Variants in PTH1R observed in about 807,000 individuals in gnomAD.
The protein encoded by PTH1R is parathyroid hormone 1 receptor, also known as parathyroid hormone/parathyroid hormone-related peptide receptor.
In PTH1R, 32 loss-of-function variants were observed where a neutral mutation model predicts 70.7. That is an observed-to-expected ratio of 0.45 (90% CI 0.34 to 0.61). The LOEUF is 0.61. Ranked by LOEUF, PTH1R falls within the 20% of genes least tolerant of loss-of-function variation. The pLI is 0.01. For missense variants in PTH1R, 626 were observed against 792.5 expected (o/e 0.79, Z 2.52); for synonymous variants, 329 against 324.8 (o/e 1.01, Z -0.14).
At chr3:46,894,745 C>T (rs1003826486) in intron 4 of PTH1R, among the ~76,000 whole-genome samples, 1 of 152,050 alleles carries the variant, frequency 6.6e-6, no homozygotes, top group African/African-American at 2.4e-5. Context: ...TTGGACTCAG[C>T]TTCCCATCAT....
rs2106996886 is a variant in PTH1R, at chr3:46,891,392, G to A, written c.76-2515G>A. ...GCCACTCAGTTTTCAACCCATGACT[G>A]CCTGCCTGCAGTCTAGGCCATCAGG... On this transcript the variant is annotated intron_variant, in intron 3 of 15. Transcript: ENST00000449590. The surrounding 1 kb of genome is among the most constrained non-coding windows in gnomAD (Gnocchi z 4.3). Among the ~76,000 whole-genome samples the A allele has an allele frequency of 6.6e-6, 1 of 152,372 alleles. No homozygotes were observed. Among genetic ancestry groups the A allele is most frequent in the Middle Eastern group, 3.4e-3 (1 of 294 alleles).
At chr3:46,881,826 A>T (rs1470332327) in intron 2 of PTH1R, among the ~76,000 whole-genome samples, 3 of 152,072 alleles carry the variant, frequency 2.0e-5, no homozygotes, top group Non-Finnish European at 4.4e-5. Context: ...AGCCCAGTGG[A>T]CTGACAGCGT....
chr3:46,894,633 G>A (rs986977503), intron 4 of PTH1R, among the ~76,000 whole-genome samples: 5 of 151,958 alleles, frequency 3.3e-5, no homozygotes, highest in South Asian at 2.1e-4. Context: ...GGAGCCTCTC[G>A]CTTCCTACTG....
rs992119348 is a variant in PTH1R at position 46,882,766 on chromosome 3, G to C, written c.-48-746G>C. 1.3e-5 allele frequency among the ~76,000 whole-genome samples: 2 copies of C among 152,110 alleles called. No individual in the cohort carries two copies. Among genetic ancestry groups the C allele is most frequent in the Non-Finnish European group, 2.9e-5 (2 of 67,982 alleles). On this transcript the variant is annotated intron_variant, in intron 2 of 15. Transcript: ENST00000449590. The surrounding 1 kb of genome is among the most constrained non-coding windows in gnomAD (Gnocchi z 4.3). ...GGAGCTAGAGACGGACTGACAGACA[G>C]GCAGACCGACAGAGCGTCGGGGCCG...
At chr3:46,890,092 G>C (rs2031312607) in intron 3 of PTH1R, among the ~76,000 whole-genome samples, 1 of 152,190 alleles carries the variant, frequency 6.6e-6, no homozygotes, top group Admixed American at 6.5e-5. Context: ...CAAGCTTGGG[G>C]CCTCTGGCAG....
In PTH1R at chr3:46,878,235, T is replaced by C. The variant is rs1328559515; in HGVS notation, c.-106+392T>C. ...GAGCCTCCAGCGACTCAGCTGGGTG[T>C]CAGGGGGTGTTTATGAGCAGCCGAA... On this transcript the variant is annotated intron_variant, in intron 1 of 15. Coordinates refer to ENST00000449590, the MANE Select transcript of PTH1R (RefSeq NM_000316.3). 5.3e-5 allele frequency among the ~76,000 whole-genome samples: 8 copies of C among 152,300 alleles called. No homozygotes were observed. The East Asian group carries it at 1.5e-3, about 29-fold the overall frequency.
intron 3 of PTH1R, among the ~76,000 whole-genome samples, chr3:46,885,965 C>T (rs186686504): frequency 6.6e-6 from 1 of 152,358 alleles, no homozygotes; most frequent in East Asian, 1.9e-4. Flanking sequence ...AGTGACCTCA[C>T]ATTTGGGGGG....
rs751315667 is a variant in PTH1R, at chr3:46,903,266, C to A, written c.1396-4C>A. The stretch of plus-strand genomic sequence containing the variant: ...CCTGACTGCCGCACCCTTACTGCCC[C>A]AAGGTACAAGCTGAGATCAAGAAAT... On this transcript the variant is annotated splice_polypyrimidine_tract_variant and splice_region_variant and intron_variant, in intron 15 of 15. Coordinates refer to ENST00000449590, the MANE Select transcript of PTH1R (RefSeq NM_000316.3). This position sits in a 1 kb window ranked among gnomAD's most constrained non-coding sequence, Gnocchi z 4.4. The A allele has an allele frequency of 1.9e-6, 3 of 1,612,556 alleles. No individual in the cohort carries two copies. In the East Asian group the frequency reaches 6.7e-5, roughly 36 times the overall value.
chr3:46,886,877 A>G (rs750774280), intron 3 of PTH1R, among the ~76,000 whole-genome samples: 10 of 152,232 alleles, frequency 6.6e-5, no homozygotes, highest in Admixed American at 1.3e-4. Flanking sequence ...CCTCAAAAGC[A>G]GCACGAGATT....
At chr3:46,895,598 C>T in intron 4 of PTH1R, 137 bp from the exon 5 acceptor site, 1 of 1,333,858 alleles carries the variant, frequency 7.5e-7, no homozygotes, top group African/African-American at 1.4e-5. Context: ...CGTCTCAGAT[C>T]TCCCAACAGC....
chr3:46,898,539 G>A, intron 8 of PTH1R, 67 bp downstream of exon 8: 1 of 1,601,040 alleles, frequency 6.2e-7, no homozygotes, highest in Non-Finnish European at 8.5e-7. Flanking sequence ...GGTCTGATGC[G>A]ACCCCCTCCC....
At position 46,903,777 on chromosome 3, in the gene PTH1R, AAAAAAAG is replaced by A. The variant is rs1403074419; in HGVS notation, c.*127_*133del. On this transcript the variant is annotated 3_prime_UTR_variant, in exon 16 of 16. Transcript: ENST00000449590. The surrounding 1 kb of genome is among the most constrained non-coding windows in gnomAD (Gnocchi z 4.4). ...GAGGAAAAACAGGGAAAAAAAGAAAAAAAAAAGAAAAAGGAAAAGGAAGCGGTGTGTG... is the reference window on the plus strand; with the variant it reads ...GAGGAAAAACAGGGAAAAAAAGAAAAAAAAAGGAAAAGGAAGCGGTGTGTG... 45 of 1,501,030 alleles carry A rather than the reference AAAAAAAG, an allele frequency of 3.0e-5. No homozygotes were observed. The South Asian group carries it at 5.5e-4, about 18-fold the overall frequency. The allele number at this position is 1,501,030 out of a possible 1,614,324, so 93.0% of individuals were successfully genotyped here. A position where few individuals can be genotyped will look rare whatever the true frequency, so the allele number is the denominator to read the frequency against.
chr3:46,901,126 C>A lies in PTH1R; in HGVS notation c.1049+41C>A, dbSNP rs201511629. The A allele has an allele frequency of 1.9e-6, 3 of 1,553,806 alleles. No individual in the cohort carries two copies. In the South Asian group the frequency reaches 3.6e-5, roughly 18 times the overall value. On this transcript the variant is annotated intron_variant, in intron 11 of 15. Transcript: ENST00000449590. The surrounding 1 kb of genome is among the most constrained non-coding windows in gnomAD (Gnocchi z 7.3). ...GAAGGGGCCCAGGCAAGAAGCACCC[C>A]TGGGTCCCTTTTCTTCCAGGAAGCA...
Position 46,890,206 on chromosome 3 carries a change from G to A in PTH1R, c.76-3701G>A, listed in dbSNP as rs1289463406. 3.3e-5 allele frequency among the ~76,000 whole-genome samples: 5 copies of A among 152,152 alleles called. 1 individual carries two copies. Among genetic ancestry groups the A allele is most frequent in the Non-Finnish European group, 5.9e-5 (4 of 68,022 alleles). On this transcript the variant is annotated intron_variant, in intron 3 of 15. Coordinates refer to ENST00000449590, the MANE Select transcript of PTH1R (RefSeq NM_000316.3). ...CTTGCCAGGAACACCTTATCTAGCA[G>A]GTCCTCCTGTAGTCCCTGCCCCCAG...
Position 46,895,727 on chromosome 3 carries a change from T to A in PTH1R, c.179-8T>A. Reference sequence around the variant, plus strand: ...TGACAGCCATCATTACCACCCTGGTTTCTCCAGCCAGCATAATGGAATCAG... The same window carrying A: ...TGACAGCCATCATTACCACCCTGGTATCTCCAGCCAGCATAATGGAATCAG... On this transcript the variant is annotated splice_polypyrimidine_tract_variant and splice_region_variant and intron_variant, in intron 4 of 15. Transcript: ENST00000449590. The A allele has an allele frequency of 6.2e-7, 1 of 1,614,084 alleles. No homozygotes were observed. The highest frequency in any genetic ancestry group is 8.5e-7 in the Non-Finnish European group (1 of 1,180,006).
chr3:46,880,832 G>A (rs2030511759), intron 1 of PTH1R, among the ~76,000 whole-genome samples: 1 of 152,224 alleles, frequency 6.6e-6, no homozygotes, highest in African/African-American at 2.4e-5. Context: ...GGATGGGCTT[G>A]AGCCAGCAGA....
rs1222436012 is a variant in PTH1R, at chr3:46,877,822, T to C, written c.-127T>C. 6.6e-6 allele frequency: 1 copy of C among 152,244 alleles called. No individual in the cohort carries two copies. The highest frequency in any genetic ancestry group is 2.4e-5 in the African/African-American group (1 of 41,462). The allele number at this position is 152,244 out of a possible 1,614,324, so 9.4% of individuals were successfully genotyped here. ...TCTGCTCTGCAGCTTTAGGCCCGAC[T>C]TGGAAGGCCCATGGGCTGCAGGTGA... On this transcript the variant is annotated 5_prime_UTR_variant, in exon 1 of 16. Transcript: ENST00000449590.
At chr3:46,889,006 G>A (rs1462398208) in intron 3 of PTH1R, among the ~76,000 whole-genome samples, 1 of 152,244 alleles carries the variant, frequency 6.6e-6, no homozygotes, top group Non-Finnish European at 1.5e-5. Context: ...AGGACGAGGA[G>A]CCTGCTCAGG....
Position 46,891,743 on chromosome 3 carries a change from TGATGGTGCA to T in PTH1R, c.76-2156_76-2148del, listed in dbSNP as rs1231315025. ...GCTGGTGCTGGTGATGTACCAGTTG[TGATGGTGCA>T]GATGGTGGTGATGGTGGTTATATGG... On this transcript the variant is annotated intron_variant, in intron 3 of 15. Coordinates refer to ENST00000449590, the MANE Select transcript of PTH1R (RefSeq NM_000316.3). The surrounding 1 kb of genome is among the most constrained non-coding windows in gnomAD (Gnocchi z 4.3). Among the ~76,000 whole-genome samples, 6 of 151,468 alleles carry T rather than the reference TGATGGTGCA, an allele frequency of 4.0e-5. No individual in the cohort carries two copies. Among genetic ancestry groups the T allele is most frequent in the African/African-American group, 1.5e-4 (6 of 41,322 alleles).
Sources: gnomAD v4.1 joint callset for allele counts (sites outside exome capture counted in the v4.1 genomes callset) on GRCh38, gnomAD v4.1.1 for gene constraint, Gnocchi (gnomAD v3.1) non-coding constraint, MANE v1.5 for transcripts, NCBI Gene and HGNC (gene_info 2026-07-23, HGNC 2026-07-21) for gene names.